The following MYT1 variants were observed in gnomAD, a reference collection of about 807,000 sequenced individuals.
The protein encoded by MYT1 is myelin transcription factor 1, also known as myelin transcription factor I.
Under a neutral mutation model 123.0 loss-of-function variants are expected in MYT1, and 23 were observed. The observed-to-expected ratio is 0.19, with a 90% confidence interval of 0.13 to 0.26. MYT1 has a LOEUF of 0.26. Among genes scored for constraint, MYT1 ranks in the 10% least tolerant of loss-of-function variants. The probability of loss-of-function intolerance (pLI) is 1.00; values close to 1 mark genes in which losing one functional copy is unlikely to be tolerated. For missense variants in MYT1, 1,125 were observed against 1,472.5 expected (o/e 0.76, Z 3.86); for synonymous variants, 518 against 575.3 (o/e 0.90, Z 1.43).
intron 12 of MYT1, 43 bp from the exon 13 acceptor site, chr20:64,219,670 G>C: frequency 1.3e-6 from 2 of 1,534,076 alleles, no homozygotes; most frequent in Non-Finnish European, 1.8e-6. Context: ...GCACACATGG[G>C]AAGGGATGGA....
Position 64,185,717 on chromosome 20 carries a change from G to A in MYT1, c.-98-4346G>A, listed in dbSNP as rs1025792042. Reference sequence around the variant, plus strand: ...AGCATGAAAACAGCCACGGTCGCCCGCAGGGGGTCCCCCATGGGGTTGTGC... The same window carrying A: ...AGCATGAAAACAGCCACGGTCGCCCACAGGGGGTCCCCCATGGGGTTGTGC... On this transcript the variant is annotated intron_variant, in intron 1 of 22. Transcript: ENST00000328439. The surrounding 1 kb of genome is among the most constrained non-coding windows in gnomAD (Gnocchi z 4.5). Among the ~76,000 whole-genome samples the A allele has an allele frequency of 2.6e-5, 4 of 152,224 alleles. No homozygotes were observed. Among genetic ancestry groups the A allele is most frequent in the Non-Finnish European group, 2.9e-5 (2 of 68,034 alleles).
chr20:64,207,522 G>T, intron 6 of MYT1, 72 bp from the exon 7 acceptor site: 1 of 1,552,590 alleles, frequency 6.4e-7, no homozygotes, highest in Non-Finnish European at 8.7e-7. Context: ...GGTGGTGGGT[G>T]TGTTGGGGAC....
rs1051115819 is a variant in MYT1, at chr20:64,237,357, G to T, written c.3060G>T (p.Glu1020Asp). Residue 1020 changes from glutamate to aspartate, a missense_variant, in exon 21 of 23, where the codon GAG becomes GAT. Physicochemically the swap from Glu to Asp is conservative, Grantham distance 45. Transcript: ENST00000328439. ...GAGACCTGAACGAGTCCAACTCGGA[G>T]ATGGAGGCTGCCATGGTGCAGCTGC... is the stretch of plus-strand genomic sequence containing the variant. ...EIRDLNESNS[E>D]MEAAMVQLQS... The T allele has an allele frequency of 1.9e-6, 3 of 1,608,930 alleles. No individual in the cohort carries two copies. The highest frequency in any genetic ancestry group is 2.5e-6 in the Non-Finnish European group (3 of 1,178,578).
rs770083610 is a variant in MYT1, at chr20:64,227,932, C to T, written c.2636C>T (p.Ala879Val). 22 of 1,614,036 alleles carry T rather than the reference C, an allele frequency of 1.4e-5. No individual in the cohort carries two copies. Among genetic ancestry groups the T allele is most frequent in the South Asian group, 2.2e-5 (2 of 91,072 alleles). Residue 879 changes from alanine (A) to valine (V), a missense_variant, in exon 18 of 23, where the codon GCA (alanine) becomes GTA (valine). By Grantham distance (64) the Ala-to-Val change is moderately conservative (BLOSUM62 0). Transcript: ENST00000328439. The stretch of plus-strand genomic sequence containing the variant: ...GCAAAGAAAAGTGGAGTCAAGGTGG[C>T]ACCCACCAAGGACGACAAGGAGGAC... Reference protein sequence around the residue: ...PRAKKSGVKVAPTKDDKEDPE... With the variant: ...PRAKKSGVKVVPTKDDKEDPE...
chr20:64,217,805 A>G (rs1362237859), intron 11 of MYT1, among the ~76,000 whole-genome samples: 1 of 152,232 alleles, frequency 6.6e-6, no homozygotes, highest in Non-Finnish European at 1.5e-5. Context: ...TACTGGATAC[A>G]ATGTGTTATC....
chr20:64,207,482 A>G, intron 6 of MYT1, 112 bp from the exon 7 acceptor site: 4 of 1,518,074 alleles, frequency 2.6e-6, no homozygotes, highest in Admixed American at 2.2e-5. Context: ...TGGCTCCCGT[A>G]TAAAGAGTGA....
rs1412000556 is a variant in MYT1 at position 64,241,199 on chromosome 20, G to A, written c.*751G>A. On this transcript the variant is annotated 3_prime_UTR_variant, in exon 23 of 23. Coordinates refer to ENST00000328439, the MANE Select transcript of MYT1 (RefSeq NM_004535.3). This position sits in a 1 kb window ranked among gnomAD's most constrained non-coding sequence, Gnocchi z 4.2. Reference sequence around the variant, plus strand: ...CCTGGGTCTGGGATCCACGTCTAGGGACCACTCTGGCTTCTGTGCATCCAC... The same window carrying A: ...CCTGGGTCTGGGATCCACGTCTAGGAACCACTCTGGCTTCTGTGCATCCAC... 6.6e-6 allele frequency: 1 copy of A among 152,214 alleles called. No individual in the cohort carries two copies. The highest frequency in any genetic ancestry group is 1.5e-5 in the Non-Finnish European group (1 of 68,100). The allele number at this position is 152,214 out of a possible 1,614,324, so 9.4% of individuals were successfully genotyped here.
intron 18 of MYT1, 98 bp downstream of exon 18, chr20:64,228,069 T>A: frequency 1.7e-6 from 2 of 1,180,766 alleles, no homozygotes; most frequent in Non-Finnish European, 2.4e-6. Context: ...CCCTTTTCAT[T>A]AATACAACGG....
At chr20:64,195,574 T>G (rs1983095742) in intron 2 of MYT1, among the ~76,000 whole-genome samples, 1 of 151,836 alleles carries the variant, frequency 6.6e-6, no homozygotes, top group Non-Finnish European at 1.5e-5. Context: ...TTTTGTATTT[T>G]CAGTAGAGAT....
At chr20:64,172,368 A>T (rs544470571) in intron 1 of MYT1, among the ~76,000 whole-genome samples, 12 of 152,234 alleles carry the variant, frequency 7.9e-5, no homozygotes, top group African/African-American at 2.9e-4. Flanking sequence ...TGAAAGCCAA[A>T]ATCCCCAAGG....
intron 1 of MYT1, among the ~76,000 whole-genome samples, chr20:64,172,008 C>G (rs1982298459): frequency 6.6e-6 from 1 of 152,212 alleles, no homozygotes; most frequent in Non-Finnish European, 1.5e-5. Flanking sequence ...GAGCTCTCCC[C>G]CTGCCAGCCC....
At chr20:64,172,085 C>T (rs923060611) in intron 1 of MYT1, among the ~76,000 whole-genome samples, 6 of 152,204 alleles carry the variant, frequency 3.9e-5, no homozygotes, top group Non-Finnish European at 5.9e-5. Context: ...GTGGGTAAAG[C>T]GTTTGTGTTT....
In MYT1 at chr20:64,207,127, G is replaced by A. The variant is rs1034984447; in HGVS notation, c.398-467G>A. ...TTGAACTCGTGACCTCAGGTGATCC[G>A]CCCGCCTCGGCCTCCCAAAGTCCTG... On this transcript the variant is annotated intron_variant, in intron 6 of 22. Transcript: ENST00000328439. Among the ~76,000 whole-genome samples, 4 of 152,010 alleles carry A rather than the reference G, an allele frequency of 2.6e-5. No homozygotes were observed. In the South Asian group the frequency reaches 6.2e-4, roughly 24 times the overall value.
At chr20:64,234,039 G>A (rs1359519897) in intron 19 of MYT1, among the ~76,000 whole-genome samples, 6 of 152,210 alleles carry the variant, frequency 3.9e-5, no homozygotes, top group African/African-American at 7.2e-5. Context: ...TGCAGAAGCC[G>A]GGAAGGCCAC....
In MYT1 at chr20:64,219,919, C is replaced by A. The variant is rs566317245; in HGVS notation, c.2178C>A (p.Asp726Glu). 1.3e-6 allele frequency: 2 copies of A among 1,559,342 alleles called. No homozygotes were observed. The highest frequency in any genetic ancestry group is 8.7e-7 in the Non-Finnish European group (1 of 1,151,626). The change falls in exon 13 of 23, where the codon GAC becomes GAA. Residue 726 changes from aspartate (D) to glutamate (E), a missense_variant. By Grantham distance (45) the Asp-to-Glu change is conservative (BLOSUM62 2). Coordinates refer to ENST00000328439, the MANE Select transcript of MYT1 (RefSeq NM_004535.3). ...AGTCCAGCCAGGCCTCCCGCCAGGACGAGTGGGACCGGCCCCTGGACTACA... is the reference window on the plus strand; with the variant it reads ...AGTCCAGCCAGGCCTCCCGCCAGGAAGAGTGGGACCGGCCCCTGGACTACA... Reference protein sequence around the residue: ...SPQSSQASRQDEWDRPLDYTK... With the variant: ...SPQSSQASRQEEWDRPLDYTK...
chr20:64,225,736 G>A (rs191489780), intron 16 of MYT1, among the ~76,000 whole-genome samples: 3,281 of 152,184 alleles, frequency 0.022, 69 homozygotes, highest in South Asian at 0.07. Context: ...GGTCCACAGA[G>A]CCATGAGGGG....
chr20:64,209,706 A>C (rs527877106), intron 7 of MYT1, among the ~76,000 whole-genome samples: 1 of 152,338 alleles, frequency 6.6e-6, no homozygotes, highest in South Asian at 2.1e-4. Context: ...TGGGAGAGAC[A>C]GACCTGAGTG....
chr20:64,169,021 TC>T (rs1982165118), intron 1 of MYT1, among the ~76,000 whole-genome samples: 1 of 152,178 alleles, frequency 6.6e-6, no homozygotes, highest in Non-Finnish European at 1.5e-5. Flanking sequence ...CTTCTTTTTT[TC>T]CATTTTGCTG....
intron 6 of MYT1, among the ~76,000 whole-genome samples, chr20:64,207,149 C>T (rs1178482803): frequency 6.6e-6 from 1 of 152,098 alleles, no homozygotes; most frequent in Non-Finnish European, 1.5e-5. Context: ...CTCCCAAAGT[C>T]CTGGGATTAC....
Sources: allele counts gnomAD v4.1 joint callset (sites outside exome capture counted in the v4.1 genomes callset), GRCh38; gene constraint gnomAD v4.1.1; non-coding constraint Gnocchi (gnomAD v3.1); transcripts MANE v1.5; gene names NCBI Gene and HGNC (gene_info 2026-07-23, HGNC 2026-07-21).